The following CTDSPL2 variants were observed in gnomAD, a reference collection of about 807,000 sequenced individuals.
CTDSPL2 encodes CTD small phosphatase like 2.
Under a neutral mutation model 60.0 loss-of-function variants are expected in CTDSPL2, and 5 were observed. The ratio of observed to expected loss-of-function variants is 0.08; its 90% confidence interval spans 0.04 to 0.18. The LOEUF (loss-of-function observed/expected upper bound fraction) is 0.18. Ranked by LOEUF, CTDSPL2 falls within the 10% of genes least tolerant of loss-of-function variation. The pLI is 1.00. For missense variants in CTDSPL2, 370 were observed against 548.8 expected (o/e 0.67, Z 3.26); for synonymous variants, 186 against 189.3 (o/e 0.98, Z 0.14).
chr15:44,519,373 G>A (rs1246713589), intron 11 of CTDSPL2, 78 bp downstream of exon 11: 2 of 1,165,722 alleles, frequency 1.7e-6, no homozygotes, highest in Non-Finnish European at 2.4e-6. Context: ...GAATATGATG[G>A]GAGAAGAAGA....
At chr15:44,428,672 C>T (rs1290027343) in intron 1 of CTDSPL2, among the ~76,000 whole-genome samples, 38 of 152,180 alleles carry the variant, frequency 2.5e-4, no homozygotes, top group Admixed American at 2.4e-3. Flanking sequence ...ATGCTGGTAA[C>T]GCAGTACCAA....
intron 10 of CTDSPL2, among the ~76,000 whole-genome samples, chr15:44,518,020 C>A (rs1436496362): frequency 6.6e-6 from 1 of 152,128 alleles, no homozygotes; most frequent in African/African-American, 2.4e-5. Context: ...TAAATTCTTC[C>A]TTTTTGCCAT....
intron 4 of CTDSPL2, among the ~76,000 whole-genome samples, chr15:44,488,897 G>A (rs1163351126): frequency 6.6e-6 from 1 of 152,146 alleles, no homozygotes; most frequent in Non-Finnish European, 1.5e-5. Flanking sequence ...AATCTCTGAA[G>A]GTGTGTATAT....
chr15:44,487,421 A>T (rs118039299), intron 4 of CTDSPL2, among the ~76,000 whole-genome samples: 3,061 of 152,254 alleles, frequency 0.02, 106 homozygotes, highest in East Asian at 0.13. Flanking sequence ...GTGTGCTGTG[A>T]TTGTACCACT....
At chr15:44,439,548 G>T (rs370160781) in intron 1 of CTDSPL2, among the ~76,000 whole-genome samples, 3 of 148,210 alleles carry the variant, frequency 2.0e-5, no homozygotes, top group African/African-American at 7.7e-5. Context: ...TTTTTTGGGG[G>T]GGGGGGAATA....
intron 1 of CTDSPL2, among the ~76,000 whole-genome samples, chr15:44,436,430 T>G (rs1191044347): frequency 3.3e-5 from 5 of 152,238 alleles, no homozygotes; most frequent in Admixed American, 6.5e-5. Context: ...CAGCTCTGAT[T>G]AATTAATGAC....
chr15:44,472,713 G>C (rs1442562620), intron 2 of CTDSPL2, among the ~76,000 whole-genome samples: 2 of 152,054 alleles, frequency 1.3e-5, no homozygotes, highest in Non-Finnish European at 2.9e-5. Context: ...TCACCCGCTG[G>C]AGTGCAGTGG....
At chr15:44,479,837 T>G (rs1016774240) in intron 2 of CTDSPL2, among the ~76,000 whole-genome samples, 3 of 152,182 alleles carry the variant, frequency 2.0e-5, no homozygotes, top group African/African-American at 7.2e-5. Flanking sequence ...TTATAGTAGT[T>G]TTGTGTGGGA....
intron 12 of CTDSPL2, among the ~76,000 whole-genome samples, chr15:44,522,734 C>A (rs1379611611): frequency 6.6e-6 from 1 of 152,086 alleles, no homozygotes; most frequent in African/African-American, 2.4e-5. Flanking sequence ...GCCTGGGCAA[C>A]AGAGTGAGAC....
At chr15:44,516,317 A>G (rs539217038) in intron 10 of CTDSPL2, among the ~76,000 whole-genome samples, 71 of 152,280 alleles carry the variant, frequency 4.7e-4, no homozygotes, top group South Asian at 2.3e-3. Context: ...GTCTTACTGG[A>G]AAATCCTAAA....
chr15:44,486,044 C>A (rs1369631562), intron 3 of CTDSPL2, among the ~76,000 whole-genome samples: 1 of 152,182 alleles, frequency 6.6e-6, no homozygotes, highest in Admixed American at 6.5e-5. Flanking sequence ...GATGGCGTCT[C>A]AGTGTCCATA....
intron 1 of CTDSPL2, among the ~76,000 whole-genome samples, chr15:44,457,476 GT>G (rs2080471569): frequency 6.6e-6 from 1 of 152,090 alleles, no homozygotes; most frequent in Non-Finnish European, 1.5e-5. Context: ...ATTAGCTTTG[GT>G]TTAAGGGAAT....
chr15:44,446,535 C>A (rs1260088039), intron 1 of CTDSPL2, among the ~76,000 whole-genome samples: 3 of 151,934 alleles, frequency 2.0e-5, no homozygotes, highest in African/African-American at 7.2e-5. Context: ...GAGGCCAAGG[C>A]AGGAGAACTG....
chr15:44,519,393 T>C, intron 11 of CTDSPL2, 98 bp downstream of exon 11: 1 of 1,043,400 alleles, frequency 9.6e-7, no homozygotes, highest in Non-Finnish European at 1.4e-6. Flanking sequence ...AAGAGAATTT[T>C]CACTGGTGGA....
chr15:44,472,388 G>T (rs1030942126), intron 2 of CTDSPL2, among the ~76,000 whole-genome samples: 1 of 152,170 alleles, frequency 6.6e-6, no homozygotes, highest in Non-Finnish European at 1.5e-5. Context: ...ATCCTAGTGA[G>T]TGTGAAGCAG....
chr15:44,453,808 C>A (rs933259064), intron 1 of CTDSPL2, among the ~76,000 whole-genome samples: 1 of 152,118 alleles, frequency 6.6e-6, no homozygotes, highest in African/African-American at 2.4e-5. Context: ...GCCACATTTT[C>A]TTAATCCAGT....
At position 44,514,839 on chromosome 15, in the gene CTDSPL2, G is replaced by T; in HGVS notation, c.1107G>T (p.Leu369=). ...LLNILDPKKQ[L]VRHRLFREHC... is the part of the protein sequence containing the mutation. The stretch of plus-strand genomic sequence containing the variant: ...ACATACTAGACCCTAAAAAGCAACT[G>T]GTCAGGTAAATTTAATTAAGAAATA... Residue 369 remains leucine, a synonymous_variant, in exon 10 of 13, where the codon CTG becomes CTT. Transcript: ENST00000260327. 6.4e-7 allele frequency: 1 copy of T among 1,555,906 alleles called. No homozygotes were observed. The highest frequency in any genetic ancestry group is 1.1e-5 in the South Asian group (1 of 87,218).
Position 44,452,637 on chromosome 15 carries a change from TAAC to T in CTDSPL2, c.-24-6352_-24-6350del, listed in dbSNP as rs141316140. On this transcript the variant is annotated intron_variant, in intron 1 of 12. Coordinates refer to ENST00000260327, the MANE Select transcript of CTDSPL2 (RefSeq NM_016396.3). Reference sequence around the variant, plus strand: ...AATTTTATCAAAAAACATACATCCTTAACAGCAGCATATAGTAACATGAGAATA... The same window carrying T: ...AATTTTATCAAAAAACATACATCCTTAGCAGCATATAGTAACATGAGAATA... Among the ~76,000 whole-genome samples, 404 of 152,282 alleles carry T rather than the reference TAAC, an allele frequency of 2.7e-3. 3 individuals are homozygous for T. Among genetic ancestry groups the T allele is most frequent in the African/African-American group, 9.1e-3 (380 of 41,574 alleles).
intron 10 of CTDSPL2, chr15:44,517,362 A>T (rs1325553277): frequency 1.3e-5 from 2 of 151,268 alleles, no homozygotes; most frequent in African/African-American, 4.9e-5. Flanking sequence ...TACAAAAAAA[A>T]TTAGCTGGGC....
Sources: allele counts gnomAD v4.1 joint callset (sites outside exome capture counted in the v4.1 genomes callset), GRCh38; gene constraint gnomAD v4.1.1; transcripts MANE v1.5; gene names NCBI Gene and HGNC (gene_info 2026-07-23, HGNC 2026-07-21).